Variants in EDA observed in about 807,000 individuals in gnomAD.
The protein encoded by EDA is ectodysplasin A.
Under a neutral mutation model 23.6 loss-of-function variants are expected in EDA, and 2 were observed. That is an observed-to-expected ratio of 0.08 (90% confidence interval 0.03 to 0.27). The LOEUF is 0.27. Ranked by LOEUF, EDA falls within the 10% of genes least tolerant of loss-of-function variation. EDA has a pLI of 1.00. For missense variants in EDA, 229 were observed against 324.2 expected, an observed-to-expected ratio of 0.71 and a Z score of 2.26; for synonymous variants, 131 against 132.0, an observed-to-expected ratio of 0.99 and a Z score of 0.05.
At chrX:69,905,940 C>A (rs2018170987) in intron 1 of EDA, among the ~76,000 whole-genome samples, 1 of 111,320 alleles carries the variant, frequency 9.0e-6, no homozygotes, top group Non-Finnish European at 1.9e-5. Context: ...TATTTACTGA[C>A]TGAATTAAAT....
At chrX:69,644,765 GTTA>G (rs1167503760) in intron 1 of EDA, among the ~76,000 whole-genome samples, 5 of 111,299 alleles carry the variant, frequency 4.5e-5, no homozygotes, top group Non-Finnish European at 9.4e-5. Flanking sequence ...ATAAATGGCT[GTTA>G]TTATTTTGAG....
chrX:70,002,061 GA>G (rs2019746983), intron 2 of EDA, among the ~76,000 whole-genome samples: 1 of 111,742 alleles, frequency 8.9e-6, no homozygotes, highest in South Asian at 3.8e-4. Context: ...ACAGATGTGA[GA>G]ACCACTAAGA....
chrX:69,786,990 A>G (rs1454479983), intron 1 of EDA, among the ~76,000 whole-genome samples: 2 of 101,670 alleles, frequency 2.0e-5, no homozygotes, highest in African/African-American at 6.8e-5. Flanking sequence ...TTGGGTGCAT[A>G]TATATTTAGG....
intron 2 of EDA, among the ~76,000 whole-genome samples, chrX:69,979,059 C>T (rs1891484262): frequency 9.0e-6 from 1 of 111,658 alleles, no homozygotes; most frequent in African/African-American, 3.3e-5. Context: ...AATAACTCCC[C>T]ATGACCCTGC....
chrX:69,616,189 G>C lies in EDA; in HGVS notation c.-120G>C. Reference sequence around the variant, plus strand: ...GTCCCGCCCAGCCACTGTCGCGCAGGAACGGGTCCCTGCAGCCCCCAGCCG... The same window carrying C: ...GTCCCGCCCAGCCACTGTCGCGCAGCAACGGGTCCCTGCAGCCCCCAGCCG... On this transcript the variant is annotated 5_prime_UTR_variant, in exon 1 of 8. Coordinates refer to ENST00000374552, the MANE Select transcript of EDA (RefSeq NM_001399.5). 1.1e-6 allele frequency: 1 copy of C among 881,429 alleles called. No homozygotes were observed. Among genetic ancestry groups the C allele is most frequent in the African/African-American group, 2.0e-5 (1 of 50,969 alleles). The allele number at this position is 881,429 out of a possible 1,213,427, so 72.6% of individuals were successfully genotyped here.
intron 1 of EDA, among the ~76,000 whole-genome samples, chrX:69,822,398 G>T: frequency 9.0e-6 from 1 of 111,688 alleles, no homozygotes; most frequent in Non-Finnish European, 1.9e-5. Context: ...ACTGTAGTGT[G>T]TCTGGAGGAA....
chrX:69,867,356 C>A (rs1387843935), intron 1 of EDA, among the ~76,000 whole-genome samples: 5 of 112,069 alleles, frequency 4.5e-5, no homozygotes, highest in Non-Finnish European at 9.4e-5. Flanking sequence ...TGAGCATTCA[C>A]ATGGGATACA....
chrX:70,023,648 CT>C (rs150219987), intron 3 of EDA, among the ~76,000 whole-genome samples: 18,259 of 108,017 alleles, frequency 0.17, 1,587 homozygotes, highest in Middle Eastern at 0.34. Flanking sequence ...CGCTTTTATC[CT>C]TTTTTTCCTC....
intron 1 of EDA, among the ~76,000 whole-genome samples, chrX:69,818,435 G>A (rs1167249947): frequency 3.6e-5 from 4 of 110,990 alleles, no homozygotes; most frequent in Non-Finnish European, 7.6e-5. Context: ...TCCAGGAGCT[G>A]GTTTTTTGAA....
intron 1 of EDA, chrX:69,617,011 C>CG (rs1225499943): frequency 2.6e-5 from 11 of 422,857 alleles, no homozygotes; most frequent in Non-Finnish European, 4.6e-5. Context: ...GCGCTGCCCC[C>CG]CGGCCGACTA....
chrX:69,957,987 G>A (rs781288075), intron 2 of EDA, among the ~76,000 whole-genome samples: 5 of 111,950 alleles, frequency 4.5e-5, no homozygotes, highest in Non-Finnish European at 9.4e-5. Context: ...GAACATTGTT[G>A]GTGATTGTTA....
At chrX:69,764,618 A>G (rs1015478786) in intron 1 of EDA, among the ~76,000 whole-genome samples, 1 of 111,303 alleles carries the variant, frequency 9.0e-6, no homozygotes, top group Admixed American at 9.6e-5. Flanking sequence ...AAAGACAACA[A>G]GGAAAACTGT....
intron 1 of EDA, among the ~76,000 whole-genome samples, chrX:69,752,324 A>G (rs751976521): frequency 3.3e-4 from 37 of 111,637 alleles, no homozygotes; most frequent in South Asian, 7.5e-4. Flanking sequence ...TTCTGCATCT[A>G]TTGTGATAAT....
chrX:69,723,246 A>C (rs2012658438), intron 1 of EDA, among the ~76,000 whole-genome samples: 1 of 112,239 alleles, frequency 8.9e-6, no homozygotes, highest in African/African-American at 3.2e-5. Context: ...GTGTTAAATT[A>C]GCCTTTCTGG....
At chrX:69,802,531 T>C in intron 1 of EDA, among the ~76,000 whole-genome samples, 1 of 111,123 alleles carries the variant, frequency 9.0e-6, no homozygotes, top group Non-Finnish European at 1.9e-5. Context: ...TAAGTATTTA[T>C]TGTATTATTC....
chrX:69,912,114 C>A (rs903257210), intron 1 of EDA, among the ~76,000 whole-genome samples: 12 of 111,893 alleles, frequency 1.1e-4, no homozygotes, highest in African/African-American at 3.9e-4. Flanking sequence ...CTTTGCTAAT[C>A]CATAAGAAGC....
chrX:69,827,675 C>T (rs1479930533), intron 1 of EDA, among the ~76,000 whole-genome samples: 3 of 111,951 alleles, frequency 2.7e-5, no homozygotes, highest in Non-Finnish European at 3.8e-5. Context: ...GTAATTTGAT[C>T]GTCTGAAGCC....
chrX:69,866,722 G>A (rs1046985187), intron 1 of EDA, among the ~76,000 whole-genome samples: 7 of 111,734 alleles, frequency 6.3e-5, no homozygotes, highest in East Asian at 2.8e-4. Context: ...CATTGTAATC[G>A]TGACTTCAAA....
At chrX:69,826,334 A>G (rs1483882894) in intron 1 of EDA, among the ~76,000 whole-genome samples, 1 of 109,797 alleles carries the variant, frequency 9.1e-6, no homozygotes, top group Non-Finnish European at 1.9e-5. Context: ...GTGGGAGTCT[A>G]AGTCTCTTTG....
Sources: gnomAD v4.1 joint callset for allele counts (sites outside exome capture counted in the v4.1 genomes callset) on GRCh38, gnomAD v4.1.1 for gene constraint, MANE v1.5 for transcripts, NCBI Gene and HGNC (gene_info 2026-07-23, HGNC 2026-07-21) for gene names.